The following DRG1 variants were observed in gnomAD, a reference collection of about 807,000 sequenced individuals.
DRG1 encodes developmentally-regulated GTP-binding protein 1.
In DRG1, 19 loss-of-function variants were observed where a neutral mutation model predicts 38.8. The observed-to-expected ratio is 0.49, with a 90% CI of 0.34 to 0.72. The LOEUF (loss-of-function observed/expected upper bound fraction) is 0.72. Ranked by LOEUF, DRG1 falls within the 30% of genes least tolerant of loss-of-function variation. DRG1 has a pLI of 0.01. For missense variants in DRG1, 299 were observed against 444.8 expected (o/e 0.67, Z 2.95); for synonymous variants, 167 against 157.5 (o/e 1.06, Z -0.45).
intron 2 of DRG1, 42 bp from the exon 3 acceptor site, chr22:31,402,987 G>A: frequency 6.3e-7 from 1 of 1,583,156 alleles, no homozygotes; most frequent in Non-Finnish European, 8.6e-7. Context: ...TTAACACTCT[G>A]GGGGATAACT....
rs146997396 is a variant in DRG1, at chr22:31,403,682, C to T, written c.342+478C>T. On this transcript the variant is annotated intron_variant, in intron 3 of 8. Coordinates refer to ENST00000331457, the MANE Select transcript of DRG1 (RefSeq NM_004147.4). ...TATTTTTAGTAGAAATGGGGTTTCACCATGCTGGTCAGGCTGGTCTCGAAC... is the reference window on the plus strand; with the variant it reads ...TATTTTTAGTAGAAATGGGGTTTCATCATGCTGGTCAGGCTGGTCTCGAAC... 4.9e-4 allele frequency among the ~76,000 whole-genome samples: 75 copies of T among 152,154 alleles called. No homozygotes were observed. The East Asian group carries it at 0.013, about 26-fold the overall frequency.
intron 8 of DRG1, among the ~76,000 whole-genome samples, chr22:31,431,643 T>C (rs1254552549): frequency 6.6e-6 from 1 of 152,182 alleles, no homozygotes; most frequent in East Asian, 1.9e-4. Context: ...TACTCTAGCC[T>C]GGGCAGCGGA....
At chr22:31,403,354 A>G in intron 3 of DRG1, 150 bp downstream of exon 3, 2 of 889,902 alleles carry the variant, frequency 2.2e-6, no homozygotes, top group Non-Finnish European at 3.3e-6. Context: ...CGATAATAAA[A>G]TGGGATAGCG....
intron 6 of DRG1, among the ~76,000 whole-genome samples, chr22:31,424,020 A>G (rs938645271): frequency 6.6e-5 from 10 of 150,686 alleles, no homozygotes; most frequent in Non-Finnish European, 7.4e-5. Context: ...CTGTGCCGCC[A>G]CGCCTGGCTA....
chr22:31,416,146 T>TA (rs1189050462), intron 4 of DRG1, among the ~76,000 whole-genome samples: 2 of 151,976 alleles, frequency 1.3e-5, no homozygotes, highest in Non-Finnish European at 2.9e-5. Flanking sequence ...CGATCTCTAC[T>TA]AAAAATACAA....
In DRG1 at chr22:31,420,367, A is replaced by G. The variant is rs1401947568; in HGVS notation, c.524A>G (p.Lys175Arg). The part of the protein sequence containing the change: ...LEGFGIRLNS[K>R]PPNIGFKKKD... ...GGCTTTGGCATTCGCTTGAACAGCA[A>G]ACCCCCCAACATTGGCTTTAAGAAG... The change falls in exon 5 of 9, where the codon AAA becomes AGA. Residue 175 changes from lysine to arginine, a missense_variant. Lys to Arg is a conservative substitution (Grantham distance 26). Around this residue, in one of 3 missense-constraint regions of DRG1, gnomAD observed 198 missense variants for 268.1 expected, o/e 0.74. Transcript: ENST00000331457. 4 of 1,614,186 alleles carry G rather than the reference A, an allele frequency of 2.5e-6. No homozygotes were observed. The South Asian group carries it at 3.3e-5, about 13-fold the overall frequency.
chr22:31,401,583 C>CAAAAAAAAAAA (rs951167073), intron 2 of DRG1, among the ~76,000 whole-genome samples: 1 of 53,750 alleles, frequency 1.9e-5, no homozygotes, highest in African/African-American at 7.4e-5. Context: ...GACTCTGTCT[C>CAAAAAAAAAAA]AAAAAAAAAA....
intron 4 of DRG1, among the ~76,000 whole-genome samples, chr22:31,419,970 G>A (rs11089501): frequency 0.033 from 5,017 of 152,270 alleles, 207 homozygotes; most frequent in Admixed American, 0.082. Flanking sequence ...TTGAACCCGG[G>A]AGGCAGAGGT....
At chr22:31,419,334 G>A (rs1211936016) in intron 4 of DRG1, among the ~76,000 whole-genome samples, 2 of 150,884 alleles carry the variant, frequency 1.3e-5, no homozygotes, top group Non-Finnish European at 1.5e-5. Flanking sequence ...ATAAAAATAA[G>A]ATATGCAGGC....
intron 5 of DRG1, among the ~76,000 whole-genome samples, chr22:31,421,688 A>G (rs2050077937): frequency 2.0e-5 from 3 of 152,108 alleles, no homozygotes; most frequent in Admixed American, 1.3e-4. Flanking sequence ...CTTGGGCAAC[A>G]AAGTGAGACC....
At chr22:31,412,596 G>T (rs904602275) in intron 4 of DRG1, among the ~76,000 whole-genome samples, 2 of 151,796 alleles carry the variant, frequency 1.3e-5, no homozygotes, top group Non-Finnish European at 2.9e-5. Context: ...TGATCCGCCC[G>T]CCTCGGCCTC....
At chr22:31,432,615 A>G (rs184343394) in intron 8 of DRG1, among the ~76,000 whole-genome samples, 27 of 152,054 alleles carry the variant, frequency 1.8e-4, no homozygotes, top group Non-Finnish European at 3.5e-4. Flanking sequence ...TTTAGTAGAG[A>G]TGGGGTTTCA....
At chr22:31,403,977 CTTTTTTTTTTTT>C (rs11295429) in intron 3 of DRG1, among the ~76,000 whole-genome samples, 2 of 81,804 alleles carry the variant, frequency 2.4e-5, no homozygotes, top group Admixed American at 1.4e-4. Context: ...AAGAGAATAA[CTTTTTTTTTTTT>C]TTTTTTTTTT....
intron 6 of DRG1, among the ~76,000 whole-genome samples, chr22:31,424,698 T>C (rs919515955): frequency 7.3e-5 from 11 of 150,880 alleles, no homozygotes; most frequent in Non-Finnish European, 1.5e-4. Context: ...TGGGGTTTCA[T>C]GTTGGCCAGG....
chr22:31,400,545 G>GA, intron 1 of DRG1, 75 bp from the exon 2 acceptor site: 1 of 1,576,864 alleles, frequency 6.3e-7, no homozygotes. Context: ...AGGACTTGGG[G>GA]AAAAAAATTA....
chr22:31,399,752 CTT>C lies in DRG1; in HGVS notation c.42+28_42+29del, dbSNP rs773029291. 4 of 1,613,830 alleles carry C rather than the reference CTT, an allele frequency of 2.5e-6. No individual in the cohort carries two copies. The African/African-American group carries it at 5.3e-5, about 22-fold the overall frequency. Reference sequence around the variant, plus strand: ...TAATGGACGCAGCTGGCGGTTCACTCTTAGTCTGAGCATTCCTTCTTTGGTGG... The same window carrying C: ...TAATGGACGCAGCTGGCGGTTCACTCAGTCTGAGCATTCCTTCTTTGGTGG... On this transcript the variant is annotated intron_variant, in intron 1 of 8. Transcript: ENST00000331457.
intron 2 of DRG1, among the ~76,000 whole-genome samples, chr22:31,402,044 C>T (rs934905822): frequency 2.6e-5 from 4 of 151,804 alleles, no homozygotes; most frequent in African/African-American, 9.7e-5. Flanking sequence ...GAGCTAGACT[C>T]TGTCTCAAGA....
chr22:31,423,227 C>A, intron 5 of DRG1, 53 bp from the exon 6 acceptor site: 2 of 1,604,522 alleles, frequency 1.2e-6, no homozygotes, highest in Non-Finnish European at 1.7e-6. Flanking sequence ...GTACACTTGA[C>A]AAGTATTTTT....
intron 2 of DRG1, among the ~76,000 whole-genome samples, chr22:31,401,320 C>T (rs1019586361): frequency 1.7e-4 from 25 of 151,384 alleles, no homozygotes; most frequent in Non-Finnish European, 3.4e-4. Context: ...CGGTGGCTCA[C>T]GCCTGTAATC....
Sources: gnomAD v4.1 joint callset for allele counts (sites outside exome capture counted in the v4.1 genomes callset) on GRCh38, gnomAD v4.1.1 for gene constraint, gnomAD v4.1.1 regional missense constraint, MANE v1.5 for transcripts, NCBI Gene and HGNC (gene_info 2026-07-23, HGNC 2026-07-21) for gene names.